DGKB: variants seen among roughly 807,000 people sequenced by gnomAD.
DGKB encodes the protein 90 kDa diacylglycerol kinase.
Under a neutral mutation model 114.3 loss-of-function variants are expected in DGKB, and 67 were observed. That is an observed-to-expected ratio of 0.59 (90% confidence interval 0.48 to 0.72). DGKB has a LOEUF of 0.72. Among genes scored for constraint, DGKB ranks in the 30% least tolerant of loss-of-function variants. DGKB has a pLI of 0.00. For synonymous variants in DGKB, 398 were observed against 323.1 expected (o/e 1.23, Z -2.49); for missense variants, 907 against 975.2 (o/e 0.93, Z 0.93).
At chr7:14,722,770 C>T (rs1185890393) in intron 5 of DGKB, among the ~76,000 whole-genome samples, 1 of 151,926 alleles carries the variant, frequency 6.6e-6, no homozygotes, top group African/African-American at 2.4e-5. Context: ...CAAGATCATG[C>T]CACTGCACTC....
At chr7:14,913,350 T>C (rs1331327116) in intron 1 of DGKB, among the ~76,000 whole-genome samples, 1 of 151,590 alleles carries the variant, frequency 6.6e-6, no homozygotes, top group Non-Finnish European at 1.5e-5. Context: ...ATGGCACTTT[T>C]TACATTTTCT....
chr7:14,855,024 A>C (rs1019938314), intron 1 of DGKB, among the ~76,000 whole-genome samples: 1 of 152,180 alleles, frequency 6.6e-6, no homozygotes, highest in Non-Finnish European at 1.5e-5. Flanking sequence ...CTCTAAAAAA[A>C]CTGAACCATA....
upstream of DGKB, among the ~76,000 whole-genome samples, chr7:14,903,644 G>A (rs1242701212): frequency 3.3e-5 from 5 of 152,130 alleles, no homozygotes; most frequent in Admixed American, 3.3e-4. Context: ...TGGTAACCTC[G>A]GAGCAGGTGA....
At chr7:14,284,203 C>A (rs1220665669) in intron 23 of DGKB, among the ~76,000 whole-genome samples, 2 of 150,504 alleles carry the variant, frequency 1.3e-5, no homozygotes, top group African/African-American at 2.5e-5. Context: ...GGGCGAAGGA[C>A]ATGAACAGAC....
chr7:14,415,745 C>T (rs1473874500), intron 21 of DGKB, among the ~76,000 whole-genome samples: 3 of 152,134 alleles, frequency 2.0e-5, no homozygotes, highest in South Asian at 2.1e-4. Flanking sequence ...GTGCATGTGT[C>T]TTTATAGCAG....
chr7:14,225,153 G>C (rs1790588146), intron 23 of DGKB, among the ~76,000 whole-genome samples: 1 of 151,958 alleles, frequency 6.6e-6, no homozygotes, highest in Admixed American at 6.6e-5. Context: ...CACACTCTAT[G>C]ACAAATTAAG....
chr7:14,173,689 C>T (rs1781334820), intron 25 of DGKB, among the ~76,000 whole-genome samples: 1 of 152,004 alleles, frequency 6.6e-6, no homozygotes, highest in Admixed American at 6.6e-5. Flanking sequence ...CATAGTTAAC[C>T]ATACCAATGC....
At chr7:14,558,536 G>A (rs1008855048) in intron 20 of DGKB, among the ~76,000 whole-genome samples, 1 of 151,856 alleles carries the variant, frequency 6.6e-6, no homozygotes, top group Non-Finnish European at 1.5e-5. Flanking sequence ...TAAGATTTCT[G>A]CTTTTTTAAA....
At position 14,402,477 on chromosome 7, in the gene DGKB, T is replaced by C. The variant is rs2128728504; in HGVS notation, c.1836-57086A>G. Among the ~76,000 whole-genome samples, 2 of 152,034 alleles carry C rather than the reference T, an allele frequency of 1.3e-5. 1 individual carries two copies. The highest frequency in any genetic ancestry group is 4.1e-4 in the South Asian group (2 of 4,824). ...GCGCTCTAGTCTACAATTTAGGAAT[T>C]GCATATTTTAAAAATGACTCAGTTT... On this transcript the variant is annotated intron_variant, in intron 21 of 25. Transcript: ENST00000402815.
intron 2 of DGKB, among the ~76,000 whole-genome samples, chr7:14,784,067 AT>A (rs1432854103): frequency 6.6e-6 from 1 of 152,280 alleles, no homozygotes; most frequent in African/African-American, 2.4e-5. Flanking sequence ...AATGCTTTTA[AT>A]TTTTTAAACA....
chr7:14,342,106 C>T (rs751020973), intron 22 of DGKB, among the ~76,000 whole-genome samples: 2 of 151,760 alleles, frequency 1.3e-5, no homozygotes, highest in Non-Finnish European at 2.9e-5. Context: ...AGAATATTGT[C>T]TTTTGAATCC....
chr7:14,601,663 T>C (rs774951765), intron 17 of DGKB, among the ~76,000 whole-genome samples: 2 of 152,176 alleles, frequency 1.3e-5, no homozygotes, highest in Non-Finnish European at 2.9e-5. Flanking sequence ...AGAGATTTCT[T>C]TTACCAAGTA....
intron 23 of DGKB, among the ~76,000 whole-genome samples, chr7:14,245,894 C>T (rs372688824): frequency 5.3e-5 from 8 of 152,202 alleles, no homozygotes; most frequent in Admixed American, 2.6e-4. Flanking sequence ...TGCCACTACA[C>T]GCCAGCCTGG....
At chr7:14,336,858 T>TGA (rs1810764662) in intron 23 of DGKB, among the ~76,000 whole-genome samples, 3 of 152,084 alleles carry the variant, frequency 2.0e-5, no homozygotes, top group Non-Finnish European at 2.9e-5. Context: ...AGTGGGTGAA[T>TGA]GTAGTTGGCA....
At chr7:14,833,880 C>G (rs1846772056) in intron 2 of DGKB, among the ~76,000 whole-genome samples, 1 of 152,106 alleles carries the variant, frequency 6.6e-6, no homozygotes, top group South Asian at 2.1e-4. Flanking sequence ...CAACTTCTAT[C>G]CATATGCGCA....
intron 23 of DGKB, among the ~76,000 whole-genome samples, chr7:14,222,711 T>C (rs572791814): frequency 6.6e-6 from 1 of 151,616 alleles, no homozygotes; most frequent in African/African-American, 2.4e-5. Context: ...TTCTATTTCC[T>C]TGTTATTTCT....
intron 20 of DGKB, among the ~76,000 whole-genome samples, chr7:14,572,115 G>T (rs1332659781): frequency 6.6e-6 from 1 of 152,024 alleles, no homozygotes; most frequent in East Asian, 1.9e-4. Flanking sequence ...CTTCCAAACA[G>T]ATATTATAAA....
chr7:14,348,496 G>C (rs1354550488), intron 21 of DGKB, among the ~76,000 whole-genome samples: 1 of 148,864 alleles, frequency 6.7e-6, no homozygotes, highest in Non-Finnish European at 1.5e-5. Context: ...TATACAGATG[G>C]AAAAAAAAAT....
At chr7:14,916,358 G>A (rs944546594) in intron 1 of DGKB, among the ~76,000 whole-genome samples, 2 of 151,962 alleles carry the variant, frequency 1.3e-5, no homozygotes, top group Non-Finnish European at 2.9e-5. Flanking sequence ...TATATAAATA[G>A]TCATTTTTAA....
Sources: allele counts gnomAD v4.1 joint callset (sites outside exome capture counted in the v4.1 genomes callset), GRCh38; gene constraint gnomAD v4.1.1; transcripts MANE v1.5; gene names NCBI Gene and HGNC (gene_info 2026-07-23, HGNC 2026-07-21).